The following ANO2 variants were observed in gnomAD, a reference collection of about 807,000 sequenced individuals.
ANO2 encodes the protein anoctamin-2.
In ANO2, 101 loss-of-function variants were observed where a neutral mutation model predicts 124.2. The ratio of observed to expected loss-of-function variants is 0.81; its 90% CI spans 0.69 to 0.96. ANO2 has a LOEUF of 0.96. Among genes scored for constraint, ANO2 ranks in the 40% least tolerant of loss-of-function variants. ANO2 has a pLI of 0.00. For missense variants in ANO2, 1,293 were observed against 1,274.5 expected, an observed-to-expected ratio of 1.01 and a Z score of -0.22; for synonymous variants, 486 against 482.5, an observed-to-expected ratio of 1.01 and a Z score of -0.09.
intron 9 of ANO2, among the ~76,000 whole-genome samples, chr12:5,803,801 C>G (rs1016474752): frequency 5.3e-5 from 8 of 152,312 alleles, no homozygotes; most frequent in African/African-American, 1.7e-4. Context: ...CAGCCCCTAC[C>G]TGGGGCTGAG....
At chr12:5,618,533 C>G (rs1317115430) in intron 16 of ANO2, among the ~76,000 whole-genome samples, 3 of 152,178 alleles carry the variant, frequency 2.0e-5, no homozygotes, top group Non-Finnish European at 1.5e-5. Context: ...GATCACACAG[C>G]AGATAAGTGA....
chr12:5,676,631 T>C (rs1394804116), intron 14 of ANO2, among the ~76,000 whole-genome samples: 1 of 152,152 alleles, frequency 6.6e-6, no homozygotes. Context: ...ACAAAGATTA[T>C]TTTGTAAAGA....
At position 5,921,026 on chromosome 12, in the gene ANO2, C is replaced by A; in HGVS notation, c.534+14G>T. The A allele has an allele frequency of 1.3e-6, 2 of 1,595,708 alleles. No homozygotes were observed. Among genetic ancestry groups the A allele is most frequent in the Non-Finnish European group, 1.7e-6 (2 of 1,167,316 alleles). On this transcript the variant is annotated intron_variant, in intron 3 of 24. Transcript: ENST00000682330. ...CATTCCATCTCCAAGTCCCTGGCCA[C>A]CCGCCTGACTCACCTCCAAGTCCTT...
At chr12:5,888,458 C>A (rs56208217) in intron 3 of ANO2, among the ~76,000 whole-genome samples, 11,829 of 152,206 alleles carry the variant, frequency 0.078, 920 homozygotes, top group African/African-American at 0.2. Flanking sequence ...CTGGCCCCAC[C>A]CACATCCTGC....
chr12:5,701,087 ATTTTTTTTTTTTTTT>A (rs56113538), intron 14 of ANO2, among the ~76,000 whole-genome samples: 51 of 93,616 alleles, frequency 5.4e-4, no homozygotes, highest in African/African-American at 2.0e-3. Context: ...GTCATTTTCA[ATTTTTTTTTTTTTTT>A]TTTTTTTTTG....
At chr12:5,865,972 C>T (rs1762642498) in intron 3 of ANO2, among the ~76,000 whole-genome samples, 1 of 152,184 alleles carries the variant, frequency 6.6e-6, no homozygotes, top group African/African-American at 2.4e-5. Context: ...TTTCACTCAC[C>T]AATAGTTGCC....
In ANO2 at chr12:5,565,672, A is replaced by G. The variant is rs780559561; in HGVS notation, c.2622-9T>C. The G allele has an allele frequency of 7.0e-6, 11 of 1,579,228 alleles. No homozygotes were observed. The highest frequency in any genetic ancestry group is 9.5e-6 in the Non-Finnish European group (11 of 1,162,322). On this transcript the variant is annotated splice_polypyrimidine_tract_variant and intron_variant, in intron 23 of 24. Transcript: ENST00000682330. ...CTCGGTAATCCTTAAACCTGCCCAA[A>G]GAGAAATGTGGTGTTAAGATCAGGA...
intron 19 of ANO2, among the ~76,000 whole-genome samples, chr12:5,602,464 T>C (rs1489292842): frequency 2.9e-5 from 4 of 137,288 alleles, no homozygotes; most frequent in African/African-American, 5.1e-5. Context: ...ATATTGCCCA[T>C]GCTGGTCTTA....
At chr12:5,709,678 C>T (rs1340178690) in intron 14 of ANO2, among the ~76,000 whole-genome samples, 2 of 152,220 alleles carry the variant, frequency 1.3e-5, no homozygotes, top group East Asian at 3.8e-4. Context: ...TGTTCATTCG[C>T]AGTCTGGTCA....
At chr12:5,929,839 T>G (rs1565790297) in intron 1 of ANO2, among the ~76,000 whole-genome samples, 1 of 146,262 alleles carries the variant, frequency 6.8e-6, no homozygotes, top group African/African-American at 2.5e-5. Context: ...CCTTCCTTAC[T>G]AGTCTACCTT....
At chr12:5,835,415 TAAG>T (rs1954285375) in intron 4 of ANO2, among the ~76,000 whole-genome samples, 1 of 152,122 alleles carries the variant, frequency 6.6e-6, no homozygotes, top group African/African-American at 2.4e-5. Context: ...AGCTGTGAAT[TAAG>T]AAGATAATCA....
At chr12:5,710,254 C>G (rs574152752) in intron 14 of ANO2, among the ~76,000 whole-genome samples, 2 of 152,232 alleles carry the variant, frequency 1.3e-5, no homozygotes, top group Admixed American at 1.3e-4. Flanking sequence ...CTCAGAGACA[C>G]TAATGGTGTA....
At chr12:5,918,276 C>T (rs1941492597) in intron 3 of ANO2, among the ~76,000 whole-genome samples, 1 of 152,132 alleles carries the variant, frequency 6.6e-6, no homozygotes, top group Non-Finnish European at 1.5e-5. Flanking sequence ...AAGACTAACC[C>T]AGGAAGAATG....
intron 10 of ANO2, among the ~76,000 whole-genome samples, chr12:5,770,325 C>T (rs2137119278): frequency 6.6e-6 from 1 of 152,224 alleles, no homozygotes; most frequent in South Asian, 2.1e-4. Context: ...CTCATGAACC[C>T]ACCAGTCTAC....
intron 7 of ANO2, among the ~76,000 whole-genome samples, chr12:5,817,054 C>CA (rs1441045742): frequency 2.0e-5 from 3 of 152,050 alleles, no homozygotes; most frequent in Non-Finnish European, 4.4e-5. Flanking sequence ...GAGACATCAC[C>CA]AAAAAACCCT....
At chr12:5,713,531 C>A (rs933042485) in intron 14 of ANO2, among the ~76,000 whole-genome samples, 32 of 152,104 alleles carry the variant, frequency 2.1e-4, no homozygotes, top group African/African-American at 7.7e-4. Flanking sequence ...TCCCCCCTAC[C>A]CTGGGTGCCA....
At chr12:5,706,307 A>C (rs1374131409) in intron 14 of ANO2, among the ~76,000 whole-genome samples, 1 of 152,100 alleles carries the variant, frequency 6.6e-6, no homozygotes, top group Admixed American at 6.5e-5. Flanking sequence ...GAGGCCCTAC[A>C]TGACCCTGTC....
At chr12:5,887,876 A>T (rs2136268096) in intron 3 of ANO2, among the ~76,000 whole-genome samples, 1 of 150,270 alleles carries the variant, frequency 6.7e-6, no homozygotes, top group East Asian at 2.0e-4. Flanking sequence ...GTTTTATGAG[A>T]GAGAGAAGAA....
intron 19 of ANO2, among the ~76,000 whole-genome samples, chr12:5,603,892 C>G (rs1395782153): frequency 7.9e-6 from 1 of 126,706 alleles, no homozygotes; most frequent in Non-Finnish European, 1.6e-5. Context: ...TTGCAGTGAG[C>G]TGAGATAGCG....
Sources: gnomAD v4.1 joint callset for allele counts (sites outside exome capture counted in the v4.1 genomes callset) on GRCh38, gnomAD v4.1.1 for gene constraint, MANE v1.5 for transcripts, NCBI Gene and HGNC (gene_info 2026-07-23, HGNC 2026-07-21) for gene names.